The following ARHGAP29 variants were observed in gnomAD, a reference collection of about 807,000 sequenced individuals.
The protein encoded by ARHGAP29 is Rho GTPase activating protein 29, also known as rho GTPase-activating protein 29.
In ARHGAP29, 43 loss-of-function variants were observed where a neutral mutation model predicts 122.6. The observed-to-expected ratio is 0.35, with a 90% CI of 0.27 to 0.45. The LOEUF is 0.45. ARHGAP29 is among the 20% of genes least tolerant of loss of function. The probability of loss-of-function intolerance (pLI) is 1.00; values close to 1 mark genes in which losing one functional copy is unlikely to be tolerated. For synonymous variants in ARHGAP29, 506 were observed against 497.1 expected (o/e 1.02, Z -0.24); for missense variants, 1,303 against 1,477.2 (o/e 0.88, Z 1.93).
At chr1:94,201,315 A>G (rs1385297337) in intron 12 of ARHGAP29, among the ~76,000 whole-genome samples, 1 of 152,206 alleles carries the variant, frequency 6.6e-6, no homozygotes, top group Non-Finnish European at 1.5e-5. Context: ...CAAACTGTAT[A>G]TCACTATGAA....
intron 7 of ARHGAP29, 102 bp from the exon 8 acceptor site, chr1:94,204,096 C>A: frequency 2.6e-6 from 2 of 783,228 alleles, no homozygotes; most frequent in Non-Finnish European, 4.2e-6. Flanking sequence ...GAAGTGATCA[C>A]AAATACTAGT....
chr1:94,202,761 A>C (rs1650930991), intron 10 of ARHGAP29, 29 bp from the exon 11 acceptor site: 2 of 1,598,284 alleles, frequency 1.3e-6, no homozygotes, highest in Non-Finnish European at 1.7e-6. Flanking sequence ...TAAACACAGA[A>C]TATGAAAGAA....
chr1:94,224,939 G>A (rs764021817), intron 2 of ARHGAP29, among the ~76,000 whole-genome samples: 4 of 152,076 alleles, frequency 2.6e-5, no homozygotes, highest in Non-Finnish European at 5.9e-5. Context: ...GTTACACTAT[G>A]AAGAATTCCA....
chr1:94,273,267 G>A (rs1296113238), intron 1 of ARHGAP29, among the ~76,000 whole-genome samples: 1 of 152,184 alleles, frequency 6.6e-6, no homozygotes, highest in Non-Finnish European at 1.5e-5. Flanking sequence ...AATATCAAAT[G>A]AGTCAGAACG....
chr1:94,221,448 T>A (rs1206321252), intron 2 of ARHGAP29, among the ~76,000 whole-genome samples: 1 of 151,858 alleles, frequency 6.6e-6, no homozygotes, highest in Non-Finnish European at 1.5e-5. Flanking sequence ...AATGTGATAC[T>A]GAATACTGTG....
intron 2 of ARHGAP29, among the ~76,000 whole-genome samples, chr1:94,230,149 A>T (rs1652837908): frequency 6.6e-6 from 1 of 151,772 alleles, no homozygotes; most frequent in Non-Finnish European, 1.5e-5. Context: ...TTATAAATTT[A>T]AAAAATTAAC....
chr1:94,213,478 G>T (rs1288883206), intron 3 of ARHGAP29, among the ~76,000 whole-genome samples: 4 of 152,090 alleles, frequency 2.6e-5, no homozygotes, highest in African/African-American at 9.7e-5. Context: ...CACCGCACCC[G>T]GCCTGGAAAA....
the ARHGAP29 span, among the ~76,000 whole-genome samples, chr1:94,283,332 G>A: frequency 6.6e-6 from 1 of 152,084 alleles, no homozygotes; most frequent in African/African-American, 2.4e-5. Context: ...ATGCACACAT[G>A]GCTCACAGGG....
upstream of ARHGAP29, among the ~76,000 whole-genome samples, chr1:94,241,672 T>C (rs1029379497): frequency 1.4e-5 from 2 of 144,476 alleles, no homozygotes; most frequent in African/African-American, 5.1e-5. Flanking sequence ...TATAATTATA[T>C]ATGATATATA....
Position 94,174,462 on chromosome 1 carries a change from C to T in ARHGAP29, c.3193G>A (p.Val1065Ile). The T allele has an allele frequency of 1.2e-6, 2 of 1,614,134 alleles. No individual in the cohort carries two copies. Among genetic ancestry groups the T allele is most frequent in the Non-Finnish European group, 1.7e-6 (2 of 1,180,018 alleles). Reference sequence around the variant, plus strand: ...TCAAAGCCATTAAATTTGGAACAAACAGTAGTAGCAGCGTCTTTTCTATTA... The same window carrying T: ...TCAAAGCCATTAAATTTGGAACAAATAGTAGTAGCAGCGTCTTTTCTATTA... ...GVNRKDAATT[V>I]CSKFNGFDQQ... The change falls in exon 23 of 23, where the codon GTT becomes ATT. Residue 1065 changes from valine (V) to isoleucine (I), a missense_variant. Val to Ile is a conservative substitution (Grantham distance 29, BLOSUM62 3). Around this residue, in one of 3 missense-constraint regions of ARHGAP29, gnomAD observed 620 missense variants for 651.2 expected, o/e 0.95. Transcript: ENST00000260526.
At chr1:94,206,191 T>C (rs915592866) in intron 5 of ARHGAP29, among the ~76,000 whole-genome samples, 1 of 152,220 alleles carries the variant, frequency 6.6e-6, no homozygotes, top group Non-Finnish European at 1.5e-5. Context: ...TCCATGTAGC[T>C]ATTTGAACAT....
the ARHGAP29 span, among the ~76,000 whole-genome samples, chr1:94,312,695 G>C: frequency 6.6e-6 from 1 of 152,022 alleles, no homozygotes; most frequent in Non-Finnish European, 1.5e-5. Context: ...GCCTCCCAAA[G>C]TGCTGGGATT....
the ARHGAP29 span, among the ~76,000 whole-genome samples, chr1:94,294,906 T>G: frequency 0.051 from 7,748 of 152,242 alleles, 679 homozygotes; most frequent in African/African-American, 0.18. Context: ...TAAGGCAAAG[T>G]CTGAAAATTC....
intron 1 of ARHGAP29, among the ~76,000 whole-genome samples, chr1:94,245,213 T>C (rs1245268983): frequency 1.3e-5 from 2 of 152,194 alleles, no homozygotes; most frequent in Admixed American, 6.5e-5. Context: ...ACATTTAACA[T>C]ACAACCCAGT....
intron 3 of ARHGAP29, among the ~76,000 whole-genome samples, chr1:94,212,306 A>G (rs1480654306): frequency 1.3e-5 from 2 of 152,142 alleles, no homozygotes; most frequent in Non-Finnish European, 2.9e-5. Context: ...AAAAAACAAC[A>G]TATCAAGATT....
At chr1:94,209,818 C>T (rs61782648) in intron 3 of ARHGAP29, among the ~76,000 whole-genome samples, 3 of 2,396 alleles carry the variant, frequency 1.3e-3, no homozygotes, top group Admixed American at 0.021. Context: ...TATATATATA[C>T]ATATACATAT....
chr1:94,247,808 C>T (rs556216355), intron 1 of ARHGAP29: 2 of 298,616 alleles, frequency 6.7e-6, no homozygotes, highest in Admixed American at 6.5e-5. Context: ...TGGCCTGGCC[C>T]GCGCTCCCGG....
chr1:94,206,473 T>C (rs1651197576), intron 5 of ARHGAP29, among the ~76,000 whole-genome samples: 2 of 152,184 alleles, frequency 1.3e-5, no homozygotes, highest in South Asian at 4.1e-4. Context: ...GGGCTACATA[T>C]TTTAAGTTCA....
the ARHGAP29 span, among the ~76,000 whole-genome samples, chr1:94,297,257 A>G: frequency 6.6e-6 from 1 of 152,232 alleles, no homozygotes; most frequent in Non-Finnish European, 1.5e-5. Context: ...ACTGCTTTAT[A>G]TGACAATACT....
Sources: gnomAD v4.1 joint callset for allele counts (sites outside exome capture counted in the v4.1 genomes callset) on GRCh38, gnomAD v4.1.1 for gene constraint, gnomAD v4.1.1 regional missense constraint, MANE v1.5 for transcripts, NCBI Gene and HGNC (gene_info 2026-07-23, HGNC 2026-07-21) for gene names.